Variants in CTNNA2 observed in about 807,000 individuals in gnomAD.
The protein encoded by CTNNA2 is catenin alpha 2, also known as catenin alpha-2.
In CTNNA2, 42 loss-of-function variants were observed where a neutral mutation model predicts 101.0. The ratio of observed to expected loss-of-function variants is 0.42; its 90% CI spans 0.32 to 0.54. The LOEUF (loss-of-function observed/expected upper bound fraction) is 0.54, where lower values mean the gene tolerates loss of function less well. Ranked by LOEUF, CTNNA2 falls within the 20% of genes least tolerant of loss-of-function variation. The pLI is 0.14. For synonymous variants in CTNNA2, 450 were observed against 456.4 expected (o/e 0.99, Z 0.18); for missense variants, 871 against 1,223.1 (o/e 0.71, Z 4.29).
At chr2:79,550,111 T>A (rs1674000649) in intron 1 of CTNNA2, among the ~76,000 whole-genome samples, 1 of 152,290 alleles carries the variant, frequency 6.6e-6, no homozygotes, top group Non-Finnish European at 1.5e-5. Context: ...CAATAATGTT[T>A]CAGTTCCCTG....
chr2:80,059,130 T>G (rs1386891933), intron 7 of CTNNA2, among the ~76,000 whole-genome samples: 3 of 152,176 alleles, frequency 2.0e-5, no homozygotes, highest in Admixed American at 2.0e-4. Flanking sequence ...ACTCTTGGAT[T>G]TAGGGATACA....
intron 7 of CTNNA2, among the ~76,000 whole-genome samples, chr2:79,926,768 G>GT: frequency 6.6e-6 from 1 of 151,808 alleles, no homozygotes; most frequent in South Asian, 2.1e-4. Context: ...TGAGTGTTAT[G>GT]TTTTGGGAGT....
At chr2:80,434,485 CTTTTTTT>C (rs1169944635) in intron 9 of CTNNA2, among the ~76,000 whole-genome samples, 3 of 89,964 alleles carry the variant, frequency 3.3e-5, no homozygotes, top group African/African-American at 5.1e-5. Flanking sequence ...TTCTGTGTCT[CTTTTTTT>C]TTTTTTTTTT....
At chr2:80,275,327 G>A (rs1250914606) in intron 7 of CTNNA2, among the ~76,000 whole-genome samples, 1 of 152,084 alleles carries the variant, frequency 6.6e-6, no homozygotes, top group Non-Finnish European at 1.5e-5. Context: ...CATGTTGTCA[G>A]GCTTTGAGAA....
chr2:80,525,909 A>G (rs1356875186), intron 9 of CTNNA2, among the ~76,000 whole-genome samples: 4 of 152,172 alleles, frequency 2.6e-5, no homozygotes, highest in African/African-American at 9.7e-5. Context: ...TAGCTGTATG[A>G]TCTGGGCAAG....
chr2:79,477,989 C>A (rs1428998557), intron 4 of CTNNA2, among the ~76,000 whole-genome samples: 1 of 152,168 alleles, frequency 6.6e-6, no homozygotes, highest in Non-Finnish European at 1.5e-5. Flanking sequence ...AGACACAAAT[C>A]ATAAAGTCAA....
chr2:79,718,837 T>G (rs13011629), intron 2 of CTNNA2, among the ~76,000 whole-genome samples: 25,925 of 151,526 alleles, frequency 0.17, 2,520 homozygotes, highest in Middle Eastern at 0.23. Context: ...TTTTTTTTTT[T>G]GTGGTGGTGG....
chr2:80,637,678 T>A (rs1673026225), intron 18 of CTNNA2, among the ~76,000 whole-genome samples: 1 of 152,072 alleles, frequency 6.6e-6, no homozygotes, highest in Non-Finnish European at 1.5e-5. Flanking sequence ...ACAGGCTGCA[T>A]GGGTGTTTAC....
intron 7 of CTNNA2, among the ~76,000 whole-genome samples, chr2:80,018,746 A>G (rs918294282): frequency 4.0e-5 from 6 of 148,182 alleles, no homozygotes; most frequent in Non-Finnish European, 8.9e-5. Context: ...GTGCCACTGC[A>G]CTCCAGCCTG....
intron 3 of CTNNA2, among the ~76,000 whole-genome samples, chr2:79,827,275 T>A (rs1678522883): frequency 6.6e-6 from 1 of 152,128 alleles, no homozygotes; most frequent in Non-Finnish European, 1.5e-5. Context: ...TGACCTCAGG[T>A]GATCCACCCG....
chr2:79,340,802 C>T (rs1423026331), intron 3 of CTNNA2, among the ~76,000 whole-genome samples: 2 of 132,752 alleles, frequency 1.5e-5, no homozygotes, highest in Non-Finnish European at 3.1e-5. Context: ...CCACTGCACT[C>T]CAGCCTGGGC....
intron 4 of CTNNA2, among the ~76,000 whole-genome samples, chr2:79,412,819 C>A (rs1678432020): frequency 6.6e-6 from 1 of 151,966 alleles, no homozygotes; most frequent in South Asian, 2.1e-4. Context: ...GATTAGAAGG[C>A]ACGGATATGA....
At chr2:80,487,454 A>G (rs1214785077) in intron 9 of CTNNA2, among the ~76,000 whole-genome samples, 3 of 152,080 alleles carry the variant, frequency 2.0e-5, no homozygotes, top group Non-Finnish European at 4.4e-5. Flanking sequence ...ACTTATAATC[A>G]TGGCAGAAAG....
At position 80,573,603 on chromosome 2, in the gene CTNNA2, C is replaced by T. The variant is rs569718248; in HGVS notation, c.1742-560C>T. On this transcript the variant is annotated intron_variant, in intron 12 of 18. Coordinates refer to ENST00000402739, the MANE Select transcript of CTNNA2 (RefSeq NM_001282597.3). ...AGTGGGAAGGGTTGTATCATTTCAT[C>T]CACATTTGATTGTGAAGCCATTTGG... Among the ~76,000 whole-genome samples the T allele has an allele frequency of 7.1e-4, 108 of 152,222 alleles. 3 individuals are homozygous for T. The South Asian group carries it at 0.022, about 31-fold the overall frequency.
chr2:80,647,527 T>G, intron 18 of CTNNA2, 58 bp from the exon 19 acceptor site: 1 of 1,353,948 alleles, frequency 7.4e-7, no homozygotes, highest in East Asian at 2.3e-5. Flanking sequence ...TACATCACCA[T>G]TTTGTGAATT....
intron 4 of CTNNA2, among the ~76,000 whole-genome samples, chr2:79,480,742 T>C (rs1269754963): frequency 6.6e-6 from 1 of 152,178 alleles, no homozygotes; most frequent in Non-Finnish European, 1.5e-5. Flanking sequence ...GGTACTTCGA[T>C]TTTTTTCTTT....
chr2:80,143,489 C>T (rs974667354), intron 7 of CTNNA2, among the ~76,000 whole-genome samples: 1 of 152,054 alleles, frequency 6.6e-6, no homozygotes, highest in African/African-American at 2.4e-5. Flanking sequence ...TACATTATTA[C>T]TTATTGTAAT....
At chr2:79,529,111 G>A (rs774845685) in intron 1 of CTNNA2, among the ~76,000 whole-genome samples, 1 of 152,138 alleles carries the variant, frequency 6.6e-6, no homozygotes, top group Non-Finnish European at 1.5e-5. Context: ...AGCATTCCAG[G>A]TTGAGGGGAA....
intron 6 of CTNNA2, among the ~76,000 whole-genome samples, chr2:79,904,290 A>G (rs1284848710): frequency 6.6e-6 from 1 of 152,130 alleles, no homozygotes; most frequent in East Asian, 1.9e-4. Flanking sequence ...TGAAGAAAGG[A>G]TTATTTAATA....
Sources: allele counts gnomAD v4.1 joint callset (sites outside exome capture counted in the v4.1 genomes callset), GRCh38; gene constraint gnomAD v4.1.1; transcripts MANE v1.5; gene names NCBI Gene and HGNC (gene_info 2026-07-23, HGNC 2026-07-21).